The following PTN variants were observed in gnomAD, a reference collection of about 807,000 sequenced individuals.
PTN encodes pleiotrophin, also known as heparin affin regulatory protein.
Under a neutral mutation model 24.1 loss-of-function variants are expected in PTN, and 18 were observed. The ratio of observed to expected loss-of-function variants is 0.75; its 90% CI spans 0.52 to 1.11. The LOEUF is 1.11. Among genes scored for constraint, PTN ranks in the 50% least tolerant of loss-of-function variants. PTN has a pLI of 0.00. For synonymous variants in PTN, 78 were observed against 68.6 expected, an observed-to-expected ratio of 1.14 and a Z score of -0.67; for missense variants, 163 against 198.8, an observed-to-expected ratio of 0.82 and a Z score of 1.08.
intron 4 of PTN, among the ~76,000 whole-genome samples, chr7:137,249,600 G>A (rs1292944823): frequency 6.6e-6 from 1 of 151,902 alleles, no homozygotes; most frequent in Non-Finnish European, 1.5e-5. Flanking sequence ...TTCTACAGCT[G>A]GACTAAAAAT....
chr7:137,317,756 T>C (rs1810096329), intron 1 of PTN, among the ~76,000 whole-genome samples: 1 of 152,198 alleles, frequency 6.6e-6, no homozygotes, highest in Non-Finnish European at 1.5e-5. Context: ...TCTGGTTTTC[T>C]TTTTCAGGGG....
chr7:137,267,926 T>C (rs985722025), intron 1 of PTN, among the ~76,000 whole-genome samples: 1 of 151,192 alleles, frequency 6.6e-6, no homozygotes, highest in African/African-American at 2.5e-5. Context: ...TCCACTTGAA[T>C]GGAGTAGGCA....
chr7:137,243,252 C>T (rs1451519869), intron 4 of PTN, among the ~76,000 whole-genome samples: 1 of 152,168 alleles, frequency 6.6e-6, no homozygotes, highest in Non-Finnish European at 1.5e-5. Context: ...ACAGTTTATA[C>T]AAAGCCGTTA....
chr7:137,338,372 C>T (rs930747289), intron 1 of PTN, among the ~76,000 whole-genome samples: 1 of 152,140 alleles, frequency 6.6e-6, no homozygotes, highest in African/African-American at 2.4e-5. Context: ...TTTGTTTCTG[C>T]TACGTTATGT....
intron 1 of PTN, among the ~76,000 whole-genome samples, chr7:137,255,890 T>C (rs1808914002): frequency 6.6e-6 from 1 of 152,240 alleles, no homozygotes; most frequent in African/African-American, 2.4e-5. Context: ...CTGGCAGTTA[T>C]TGAGCTCCAT....
At chr7:137,339,723 C>A (rs1810505534) in intron 1 of PTN, among the ~76,000 whole-genome samples, 1 of 151,992 alleles carries the variant, frequency 6.6e-6, no homozygotes, top group Non-Finnish European at 1.5e-5. Context: ...TGTATGCCAT[C>A]ATAGCAAGAG....
At chr7:137,314,748 C>T (rs1367830828) in intron 1 of PTN, among the ~76,000 whole-genome samples, 2 of 152,018 alleles carry the variant, frequency 1.3e-5, no homozygotes, top group Non-Finnish European at 2.9e-5. Flanking sequence ...GTGCCCACCA[C>T]CGCACTCAGC....
At chr7:137,248,923 C>T (rs322298) in intron 4 of PTN, among the ~76,000 whole-genome samples, 48,038 of 151,730 alleles carry the variant, frequency 0.32, 7,827 homozygotes, top group South Asian at 0.39. Context: ...AATTTATTTA[C>T]GTATGAATAT....
intron 1 of PTN, 60 bp downstream of exon 1, chr7:137,343,379 A>G: frequency 2.3e-6 from 1 of 441,402 alleles, no homozygotes; most frequent in South Asian, 1.6e-5. Flanking sequence ...AAAGTGGCAC[A>G]GGGTGAAGGC....
rs113307487 is a variant in PTN at position 137,256,413 on chromosome 7, G to A, written c.-1-1439C>T. ...CTCCCAGTTATGAGTGAGAACATGC[G>A]GTGTTTGGTTTCCTGTTCCTGTGTT... On this transcript the variant is annotated intron_variant, in intron 1 of 4. Transcript: ENST00000348225. 2.0e-5 allele frequency among the ~76,000 whole-genome samples: 3 copies of A among 152,062 alleles called. No individual in the cohort carries two copies. In the East Asian group the frequency reaches 5.8e-4, roughly 29 times the overall value.
At chr7:137,320,154 A>T (rs776408379) in intron 1 of PTN, among the ~76,000 whole-genome samples, 1 of 152,182 alleles carries the variant, frequency 6.6e-6, no homozygotes, top group Non-Finnish European at 1.5e-5. Flanking sequence ...ATTATCTTAT[A>T]CCTTTATACC....
intron 1 of PTN, among the ~76,000 whole-genome samples, chr7:137,301,815 TA>T (rs776523961): frequency 3.1e-4 from 47 of 152,116 alleles, no homozygotes; most frequent in Non-Finnish European, 5.9e-4. Flanking sequence ...TTGATTAATG[TA>T]AAAATTTTTA....
chr7:137,311,999 A>C (rs1809990005), intron 1 of PTN, among the ~76,000 whole-genome samples: 1 of 152,122 alleles, frequency 6.6e-6, no homozygotes, highest in Admixed American at 6.5e-5. Flanking sequence ...AAAGCCCAAC[A>C]GAATGAGGTA....
chr7:137,233,030 A>T lies in PTN; in HGVS notation c.452-4955T>A, dbSNP rs191694411. ...GTTCTGGGTATTTCTTCATAGCAGC[A>T]CGAGAATGGGCTAATACAGTAAATG... On this transcript the variant is annotated intron_variant, in intron 4 of 4. Transcript: ENST00000348225. Among the ~76,000 whole-genome samples the T allele has an allele frequency of 5.9e-5, 9 of 152,062 alleles. No homozygotes were observed. The East Asian group carries it at 1.7e-3, about 30-fold the overall frequency.
rs554910239 is a variant in PTN at position 137,319,753 on chromosome 7, T to C, written c.-2+23686A>G. ...GCTGGGGGCAACACCTGAATACTTT[T>C]GCCGGAATGGGCTGGGCGGGTACCT... is the stretch of plus-strand genomic sequence containing the variant. On this transcript the variant is annotated intron_variant, in intron 1 of 4. Transcript: ENST00000348225. Among the ~76,000 whole-genome samples, 7 of 152,328 alleles carry C rather than the reference T, an allele frequency of 4.6e-5. No individual in the cohort carries two copies. The East Asian group carries it at 1.2e-3, about 25-fold the overall frequency.
At chr7:137,286,725 TA>T (rs1312693230) in intron 1 of PTN, among the ~76,000 whole-genome samples, 3 of 152,146 alleles carry the variant, frequency 2.0e-5, no homozygotes, top group Non-Finnish European at 4.4e-5. Flanking sequence ...GGAGAATACA[TA>T]AATATTTGGA....
At chr7:137,273,550 T>C (rs970329611) in intron 1 of PTN, among the ~76,000 whole-genome samples, 29 of 152,124 alleles carry the variant, frequency 1.9e-4, no homozygotes, top group African/African-American at 5.8e-4. Context: ...AACCACTGGA[T>C]ACTTATGAAA....
At chr7:137,298,476 A>G (rs1809754476) in intron 1 of PTN, among the ~76,000 whole-genome samples, 1 of 151,888 alleles carries the variant, frequency 6.6e-6, no homozygotes, top group South Asian at 2.1e-4. Context: ...AAGCATTATA[A>G]ACCTCTTATA....
intron 4 of PTN, chr7:137,236,301 A>G: frequency 1.4e-6 from 1 of 701,564 alleles, no homozygotes; most frequent in South Asian, 1.5e-5. Context: ...CCCATTCAGG[A>G]TGCACTTTCT....
Sources: gnomAD v4.1 joint callset for allele counts (sites outside exome capture counted in the v4.1 genomes callset) on GRCh38, gnomAD v4.1.1 for gene constraint, MANE v1.5 for transcripts, NCBI Gene and HGNC (gene_info 2026-07-23, HGNC 2026-07-21) for gene names.